The following KCNG3 variants were observed in gnomAD, a reference collection of about 807,000 sequenced individuals.
KCNG3 encodes voltage-gated potassium channel regulatory subunit KCNG3.
KCNG3 carries 15 observed loss-of-function variants against 29.0 expected under a neutral mutation model. That is an observed-to-expected ratio of 0.52 (90% CI 0.35 to 0.80). KCNG3 has a LOEUF of 0.80. Ranked by LOEUF, KCNG3 falls within the 30% of genes least tolerant of loss-of-function variation. The pLI is 0.01. For missense variants in KCNG3, 512 were observed against 605.7 expected (o/e 0.85, Z 1.62); for synonymous variants, 322 against 248.9 (o/e 1.29, Z -2.76).
intron 1 of KCNG3, chr2:42,463,887 C>A: frequency 3.3e-6 from 1 of 300,262 alleles, no homozygotes; most frequent in South Asian, 2.9e-5. Context: ...ATTCTAATCC[C>A]TTCTCAGATT....
At chr2:42,450,774 G>A (rs1369170603) in intron 1 of KCNG3, among the ~76,000 whole-genome samples, 1 of 152,170 alleles carries the variant, frequency 6.6e-6, no homozygotes, top group East Asian at 1.9e-4. Context: ...AATTGAGGCT[G>A]AAAGGTTAAG....
intron 1 of KCNG3, among the ~76,000 whole-genome samples, chr2:42,492,294 T>A (rs1673900098): frequency 6.6e-6 from 1 of 152,190 alleles, no homozygotes; most frequent in Non-Finnish European, 1.5e-5. Flanking sequence ...CAGACATCCA[T>A]TATTTAGAGT....
At chr2:42,403,481 T>C in the KCNG3 span, among the ~76,000 whole-genome samples, 1 of 143,578 alleles carries the variant, frequency 7.0e-6, no homozygotes, top group South Asian at 2.3e-4. Flanking sequence ...TTTTCTGTTT[T>C]TTTTTTTTTT....
chr2:42,415,896 T>C, the KCNG3 span, among the ~76,000 whole-genome samples: 1 of 152,130 alleles, frequency 6.6e-6, no homozygotes, highest in Non-Finnish European at 1.5e-5. Flanking sequence ...ACTATCCTCA[T>C]AGAAGTAGAG....
intron 1 of KCNG3, among the ~76,000 whole-genome samples, chr2:42,487,183 A>T (rs1476281910): frequency 6.6e-6 from 1 of 151,214 alleles, no homozygotes; most frequent in East Asian, 1.9e-4. Context: ...AAGAATTCAC[A>T]ATTTTTTTTA....
rs34702230 is a variant in KCNG3, at chr2:42,493,713, G to A, written c.-212C>T. ...CTAGTAGCGCGCCCTCCGCCCGGCGGTACCTGCGGGTGGCCGGGGAGTCCT... is the reference window on the plus strand; with the variant it reads ...CTAGTAGCGCGCCCTCCGCCCGGCGATACCTGCGGGTGGCCGGGGAGTCCT... On this transcript the variant is annotated 5_prime_UTR_variant, in exon 1 of 2. Transcript: ENST00000306078. 1 of 362,626 alleles carries A rather than the reference G, an allele frequency of 2.8e-6. No individual in the cohort carries two copies. Among genetic ancestry groups the A allele is most frequent in the Non-Finnish European group, 4.8e-6 (1 of 207,062 alleles). The allele number at this position is 362,626 out of a possible 1,614,324, so 22.5% of individuals were successfully genotyped here. A position where few individuals can be genotyped will look rare whatever the true frequency, so the allele number is the denominator to read the frequency against.
At chr2:42,414,098 T>C in the KCNG3 span, among the ~76,000 whole-genome samples, 2 of 152,166 alleles carry the variant, frequency 1.3e-5, no homozygotes. Flanking sequence ...ACAAAAACTG[T>C]TGTTGTTGTT....
chr2:42,452,857 C>T (rs999047416), intron 1 of KCNG3, among the ~76,000 whole-genome samples: 8 of 152,188 alleles, frequency 5.3e-5, no homozygotes, highest in African/African-American at 9.7e-5. Flanking sequence ...TCTAGACTCA[C>T]TGCAACCTGC....
chr2:42,475,420 C>T (rs1246579931), intron 1 of KCNG3, among the ~76,000 whole-genome samples: 2 of 151,452 alleles, frequency 1.3e-5, no homozygotes, highest in South Asian at 4.2e-4. Flanking sequence ...CCTCTTTCTC[C>T]CAGGTTCAAG....
intron 1 of KCNG3, among the ~76,000 whole-genome samples, chr2:42,490,514 C>G (rs1194642669): frequency 5.9e-5 from 9 of 152,212 alleles, no homozygotes; most frequent in Non-Finnish European, 1.2e-4. Flanking sequence ...TGTTTCCATC[C>G]TCCACCACCC....
the KCNG3 span, among the ~76,000 whole-genome samples, chr2:42,418,827 T>G: frequency 6.6e-6 from 1 of 152,170 alleles, no homozygotes; most frequent in Non-Finnish European, 1.5e-5. Context: ...TATTAAAAAT[T>G]AAAATCACAC....
intron 1 of KCNG3, among the ~76,000 whole-genome samples, chr2:42,469,359 G>C (rs1673229343): frequency 6.7e-6 from 1 of 150,216 alleles, no homozygotes; most frequent in Non-Finnish European, 1.5e-5. Context: ...GGAGGTTGCA[G>C]AGAGCCAAGA....
chr2:42,391,476 C>G, the KCNG3 span, among the ~76,000 whole-genome samples: 3 of 151,886 alleles, frequency 2.0e-5, no homozygotes, highest in African/African-American at 7.3e-5. Context: ...AAAGTGGCAA[C>G]AGAAACAGAC....
At chr2:42,399,056 C>CTTTTT in the KCNG3 span, among the ~76,000 whole-genome samples, 158 of 107,590 alleles carry the variant, frequency 1.5e-3, no homozygotes, top group Non-Finnish European at 2.1e-3. Context: ...TTTTTCTTTT[C>CTTTTT]TTTTTTTTTT....
chr2:42,462,083 T>A (rs1377627763), intron 1 of KCNG3, among the ~76,000 whole-genome samples: 1 of 152,182 alleles, frequency 6.6e-6, no homozygotes, highest in East Asian at 1.9e-4. Context: ...AATGTACCCA[T>A]TAAACTGCTA....
the KCNG3 span, among the ~76,000 whole-genome samples, chr2:42,424,396 G>A: frequency 6.6e-6 from 1 of 151,462 alleles, no homozygotes; most frequent in Admixed American, 6.6e-5. Flanking sequence ...TGAAAGATGG[G>A]GGTTCGGGAT....
At chr2:42,415,728 TCAAAA>T in the KCNG3 span, among the ~76,000 whole-genome samples, 1,308 of 151,694 alleles carry the variant, frequency 8.6e-3, 7 homozygotes, top group African/African-American at 0.011. Context: ...AGACTCTGTC[TCAAAA>T]CAAAACAAAA....
chr2:42,432,937 AAAAAAAAAAAACAAAAAAAC>A, the KCNG3 span, among the ~76,000 whole-genome samples: 1 of 36,178 alleles, frequency 2.8e-5, no homozygotes, highest in South Asian at 8.9e-4. Context: ...TTTATGATAA[AAAAAAAAAAAACAAAAAAAC>A]AAAAAAAAAA....
the KCNG3 span, among the ~76,000 whole-genome samples, chr2:42,390,994 A>C: frequency 6.6e-6 from 1 of 152,122 alleles, no homozygotes; most frequent in South Asian, 2.1e-4. Flanking sequence ...ATTCCGGAGG[A>C]AAGTGCTGTA....
Sources: allele counts gnomAD v4.1 joint callset (sites outside exome capture counted in the v4.1 genomes callset), GRCh38; gene constraint gnomAD v4.1.1; transcripts MANE v1.5; gene names NCBI Gene and HGNC (gene_info 2026-07-23, HGNC 2026-07-21).